Variants in CAST observed in about 807,000 individuals in gnomAD.
The protein encoded by CAST is calpastatin.
Under a neutral mutation model 119.6 loss-of-function variants are expected in CAST, and 76 were observed. The ratio of observed to expected loss-of-function variants is 0.64; its 90% confidence interval spans 0.53 to 0.77. The LOEUF is 0.77. Among genes scored for constraint, CAST ranks in the 30% least tolerant of loss-of-function variants. The pLI is 0.00. For synonymous variants in CAST, 319 were observed against 331.6 expected, an observed-to-expected ratio of 0.96 and a Z score of 0.41; for missense variants, 953 against 946.5, an observed-to-expected ratio of 1.01 and a Z score of -0.09.
At chr5:96,262,234 G>T in the CAST span, among the ~76,000 whole-genome samples, 1 of 152,284 alleles carries the variant, frequency 6.6e-6, no homozygotes, top group South Asian at 2.1e-4. Context: ...ACGTGTGGTG[G>T]CCCAGGTCTG....
chr5:96,233,561 A>G, the CAST span, among the ~76,000 whole-genome samples: 9 of 152,160 alleles, frequency 5.9e-5, no homozygotes, highest in Non-Finnish European at 1.2e-4. Flanking sequence ...ATATTGGTTT[A>G]GCTCCTCTCA....
At chr5:96,517,890 A>G in the CAST span, among the ~76,000 whole-genome samples, 1 of 152,258 alleles carries the variant, frequency 6.6e-6, no homozygotes, top group African/African-American at 2.4e-5. Flanking sequence ...CACATTACAG[A>G]GACTGTGTTA....
chr5:96,259,543 T>C, the CAST span, among the ~76,000 whole-genome samples: 1 of 152,158 alleles, frequency 6.6e-6, no homozygotes, highest in Non-Finnish European at 1.5e-5. Context: ...AATGAAGCCA[T>C]AGTTTTTGGA....
chr5:96,754,063 G>A lies in CAST; in HGVS notation c.1528G>A (p.Gly510Ser). ...SAPPEPATLK[G>S]TVPDDAVEAL... Reference sequence around the variant, plus strand: ...ATATCCACTAATGCACTTTCAGAAGGGCACAGTGCCAGATGATGCTGTAGA... The same window carrying A: ...ATATCCACTAATGCACTTTCAGAAGAGCACAGTGCCAGATGATGCTGTAGA... Residue 510 changes from glycine to serine, a missense_variant, in exon 21 of 32, where the codon GGC becomes AGC. Transcript: ENST00000675179. The A allele has an allele frequency of 1.2e-6, 2 of 1,605,344 alleles. No homozygotes were observed. The highest frequency in any genetic ancestry group is 1.7e-6 in the Non-Finnish European group (2 of 1,171,992).
chr5:96,076,329 C>A, the CAST span, among the ~76,000 whole-genome samples: 1 of 152,166 alleles, frequency 6.6e-6, no homozygotes, highest in African/African-American at 2.4e-5. Context: ...GATGAAAAGT[C>A]ATAAATATTT....
intron 1 of CAST, among the ~76,000 whole-genome samples, chr5:96,645,984 A>G (rs1194590927): frequency 6.6e-6 from 1 of 152,122 alleles, no homozygotes; most frequent in African/African-American, 2.4e-5. Flanking sequence ...ACAAATATAG[A>G]ATTCACAGAA....
the CAST span, among the ~76,000 whole-genome samples, chr5:96,124,819 A>ATTGTTTTT: frequency 6.6e-6 from 1 of 152,210 alleles, no homozygotes; most frequent in Admixed American, 6.5e-5. Context: ...AAATTTTTTT[A>ATTGTTTTT]CAGAACTGAG....
At chr5:96,342,892 C>T in the CAST span, among the ~76,000 whole-genome samples, 1 of 152,092 alleles carries the variant, frequency 6.6e-6, no homozygotes, top group Non-Finnish European at 1.5e-5. Flanking sequence ...TTTGGTACCG[C>T]ATAAGTTGAT....
At chr5:96,395,025 A>G in the CAST span, 2 of 1,610,644 alleles carry the variant, frequency 1.2e-6, no homozygotes, top group Non-Finnish European at 1.7e-6. Flanking sequence ...ATTCTTCCAG[A>G]CTAACAAATA....
At chr5:96,414,508 T>C in the CAST span, among the ~76,000 whole-genome samples, 2 of 152,178 alleles carry the variant, frequency 1.3e-5, no homozygotes, top group African/African-American at 4.8e-5. Context: ...GCCTATAATA[T>C]TTGTAGAGTA....
chr5:96,341,146 T>G, the CAST span, among the ~76,000 whole-genome samples: 1 of 152,352 alleles, frequency 6.6e-6, no homozygotes, highest in South Asian at 2.1e-4. Context: ...ATAATCATGA[T>G]TCTCAGAAGG....
chr5:96,682,867 G>A lies in CAST; in HGVS notation c.138+7266G>A, dbSNP rs549937676. ...ATAACTCCATTTTTTAGCAAGGATT[G>A]CTAATGCGGCTTTTTTTACCTCCAC... is the stretch of plus-strand genomic sequence containing the variant. On this transcript the variant is annotated intron_variant, in intron 2 of 31. Transcript: ENST00000675179. Among the ~76,000 whole-genome samples, 48 of 152,210 alleles carry A rather than the reference G, an allele frequency of 3.2e-4. No homozygotes were observed. The South Asian group carries it at 3.7e-3, about 12-fold the overall frequency.
chr5:96,689,009 G>A (rs76085665), intron 2 of CAST, among the ~76,000 whole-genome samples: 8,266 of 133,704 alleles, frequency 0.062, 555 homozygotes, highest in East Asian at 0.23. Context: ...CTTGTGTGTA[G>A]GGGTGGGGGC....
At chr5:96,034,259 C>T in the CAST span, among the ~76,000 whole-genome samples, 1 of 152,014 alleles carries the variant, frequency 6.6e-6, no homozygotes, top group Non-Finnish European at 1.5e-5. Flanking sequence ...GAGATATCAT[C>T]ACCTCACGTC....
intron 1 of CAST, among the ~76,000 whole-genome samples, chr5:96,554,339 A>C (rs1184043519): frequency 6.6e-6 from 1 of 152,224 alleles, no homozygotes; most frequent in Non-Finnish European, 1.5e-5. Flanking sequence ...TGTTGGGAAA[A>C]CTGGCTAACC....
At chr5:96,041,160 C>T in the CAST span, among the ~76,000 whole-genome samples, 1 of 152,042 alleles carries the variant, frequency 6.6e-6, no homozygotes, top group African/African-American at 2.4e-5. Flanking sequence ...CTTAAGAGTA[C>T]AGTATGGGGT....
chr5:96,523,465 C>T (rs1745549408), upstream of CAST, among the ~76,000 whole-genome samples: 1 of 152,212 alleles, frequency 6.6e-6, no homozygotes, highest in South Asian at 2.1e-4. Flanking sequence ...CTCAGACTCA[C>T]CCCACTTGCC....
chr5:96,626,695 T>TA (rs1254196532), intron 1 of CAST, among the ~76,000 whole-genome samples: 4 of 152,190 alleles, frequency 2.6e-5, no homozygotes, highest in Non-Finnish European at 5.9e-5. Flanking sequence ...CTTACCATGT[T>TA]ACCATTTAAT....
the CAST span, among the ~76,000 whole-genome samples, chr5:96,126,443 G>T: frequency 6.6e-6 from 1 of 151,982 alleles, no homozygotes; most frequent in African/African-American, 2.4e-5. Flanking sequence ...CTAAGTCATT[G>T]TTCCATCTTA....
Sources: allele counts gnomAD v4.1 joint callset (sites outside exome capture counted in the v4.1 genomes callset), GRCh38; gene constraint gnomAD v4.1.1; transcripts MANE v1.5; gene names NCBI Gene and HGNC (gene_info 2026-07-23, HGNC 2026-07-21).